The following BTN3A3 variants were observed in gnomAD, a reference collection of about 807,000 sequenced individuals.
The protein encoded by BTN3A3 is butyrophilin 3.
Under a neutral mutation model 43.2 loss-of-function variants are expected in BTN3A3, and 39 were observed. The ratio of observed to expected loss-of-function variants is 0.90; its 90% CI spans 0.70 to 1.18. The LOEUF is 1.18. Among genes scored for constraint, BTN3A3 ranks in the 50% most tolerant of loss-of-function variants. The pLI is 0.00. For missense variants in BTN3A3, 631 were observed against 722.8 expected (o/e 0.87, Z 1.46); for synonymous variants, 255 against 272.7 (o/e 0.93, Z 0.64).
At chr6:26,450,950 C>G (rs1316282201) in intron 10 of BTN3A3, among the ~76,000 whole-genome samples, 1 of 152,176 alleles carries the variant, frequency 6.6e-6, no homozygotes, top group South Asian at 2.1e-4. Flanking sequence ...TCCTTCCAAT[C>G]TTCTATCAGG....
At chr6:26,450,326 G>T in intron 10 of BTN3A3, 193 bp downstream of exon 10, 1 of 634,750 alleles carries the variant, frequency 1.6e-6, no homozygotes, top group Non-Finnish European at 2.7e-6. Context: ...AGGGAACCAG[G>T]GAGAATTGCT....
intron 4 of BTN3A3, 189 bp downstream of exon 4, chr6:26,444,493 A>T (rs1762722092): frequency 1.1e-6 from 1 of 945,908 alleles, no homozygotes; most frequent in Non-Finnish European, 1.6e-6. Flanking sequence ...TTCCTGCTGT[A>T]CCTTACATGC....
At chr6:26,447,036 GT>G (rs923425440) in intron 5 of BTN3A3, among the ~76,000 whole-genome samples, 5 of 152,134 alleles carry the variant, frequency 3.3e-5, no homozygotes, top group Non-Finnish European at 5.9e-5. Flanking sequence ...CCTATAAAAA[GT>G]TTCTTATAGC....
intron 4 of BTN3A3, 102 bp from the exon 5 acceptor site, chr6:26,445,602 A>T (rs1033348724): frequency 1.4e-6 from 2 of 1,403,420 alleles, no homozygotes; most frequent in Non-Finnish European, 1.9e-6. Context: ...CCTGAATGAA[A>T]TCTTCCTTGG....
At chr6:26,442,014 A>G (rs1427249189) in intron 1 of BTN3A3, among the ~76,000 whole-genome samples, 2 of 152,184 alleles carry the variant, frequency 1.3e-5, no homozygotes, top group Admixed American at 1.3e-4. Flanking sequence ...TTTGAGGAAC[A>G]GAAGATGTGA....
Position 26,443,389 on chromosome 6 carries a change from T to A in BTN3A3, c.-59T>A. 2.2e-6 allele frequency: 3 copies of A among 1,377,804 alleles called. No homozygotes were observed. The highest frequency in any genetic ancestry group is 2.9e-6 in the Non-Finnish European group (3 of 1,042,182). The allele number at this position is 1,377,804 out of a possible 1,614,324, so 85.3% of individuals were successfully genotyped here. On this transcript the variant is annotated 5_prime_UTR_variant, in exon 2 of 11. Transcript: ENST00000244519. The stretch of plus-strand genomic sequence containing the variant: ...CAGATATTATTTTTACAGATGGTTT[T>A]CCATACTGGAACCCAAAGGTAAAGA...
At chr6:26,442,399 G>A (rs114833507) in intron 1 of BTN3A3, among the ~76,000 whole-genome samples, 2,994 of 152,284 alleles carry the variant, frequency 0.02, 89 homozygotes, top group African/African-American at 0.066. Flanking sequence ...CTTAACTTCC[G>A]ATCTTCAGTT....
intron 4 of BTN3A3, chr6:26,445,410 G>T (rs1161261309): frequency 5.5e-6 from 2 of 364,758 alleles, no homozygotes; most frequent in Non-Finnish European, 1.0e-5. Flanking sequence ...CTTGCTGAAG[G>T]TCACAAGTCA....
rs563286298 is a variant in BTN3A3 at position 26,448,633 on chromosome 6, A to G, written c.933A>G (p.Glu311=). Residue 311 remains glutamate (E), a synonymous_variant, in exon 7 of 11, where the codon GAA becomes GAG. Transcript: ENST00000244519. ...ATTTTCCAGAGAAGCTCCAGGAGGA[A>G]CTCAGTAAGTTCCCATTCCCCAGGA... The part of the protein sequence containing the change: ...EISLREKLQE[E]LKWRKIQYMA... 30 of 1,613,690 alleles carry G rather than the reference A, an allele frequency of 1.9e-5. No homozygotes were observed. In the East Asian group the frequency reaches 4.9e-4, roughly 26 times the overall value.
chr6:26,443,002 T>G (rs1762681047), intron 1 of BTN3A3, among the ~76,000 whole-genome samples: 2 of 152,174 alleles, frequency 1.3e-5, no homozygotes, highest in African/African-American at 4.8e-5. Flanking sequence ...AAAAGATGAG[T>G]AAGGCCTGGT....
At position 26,453,162 on chromosome 6, in the gene BTN3A3, T is replaced by A. The variant is rs548162241; in HGVS notation, c.*751T>A. Reference sequence around the variant, plus strand: ...AATACCCTAGAGATTCTCTGTGATATAGGAAATTTGGATCAAGGAAGCTAA... The same window carrying A: ...AATACCCTAGAGATTCTCTGTGATAAAGGAAATTTGGATCAAGGAAGCTAA... On this transcript the variant is annotated 3_prime_UTR_variant, in exon 11 of 11. Transcript: ENST00000244519. 1 of 152,184 alleles carries A rather than the reference T, an allele frequency of 6.6e-6. No individual in the cohort carries two copies. The highest frequency in any genetic ancestry group is 1.5e-5 in the Non-Finnish European group (1 of 68,038). 9.4% of individuals were successfully genotyped at this position (152,184 alleles called of 1,614,324 possible). A position where few individuals can be genotyped will look rare whatever the true frequency, so the allele number is the denominator to read the frequency against.
chr6:26,443,213 G>T (rs1456538766), intron 1 of BTN3A3, among the ~76,000 whole-genome samples, 169 bp from the exon 2 acceptor site: 1 of 152,168 alleles, frequency 6.6e-6, no homozygotes, highest in Admixed American at 6.5e-5. Flanking sequence ...GAACAAGGGT[G>T]GGACCAGGGA....
chr6:26,448,402 G>T lies in BTN3A3; in HGVS notation c.870G>T (p.Met290Ile), dbSNP rs1367913501. 6.2e-7 allele frequency: 1 copy of T among 1,613,776 alleles called. No homozygotes were observed. The highest frequency in any genetic ancestry group is 8.5e-7 in the Non-Finnish European group (1 of 1,179,984). The stretch of plus-strand genomic sequence containing the variant: ...GGGAGACAGAAAGAGAGCGAGAGAT[G>T]AAAGAAATGGGATACGCTGCAACAG... The part of the protein sequence containing the change: ...LSRETERERE[M>I]KEMGYAATEQ... Residue 290 changes from methionine to isoleucine, a missense_variant, in exon 6 of 11, where the codon ATG (methionine) becomes ATT (isoleucine). By Grantham distance (10) the Met-to-Ile change is conservative (BLOSUM62 1). Around this residue, in one of 2 missense-constraint regions of BTN3A3, gnomAD observed 551 missense variants for 584.0 expected, o/e 0.94. Coordinates refer to ENST00000244519, the MANE Select transcript of BTN3A3 (RefSeq NM_006994.5).
intron 1 of BTN3A3, among the ~76,000 whole-genome samples, chr6:26,441,412 C>T (rs13220495): frequency 0.052 from 7,815 of 151,742 alleles, 274 homozygotes; most frequent in Non-Finnish European, 0.082. Context: ...CTAATTTTGG[C>T]TATTTCAATT....
intron 10 of BTN3A3, 152 bp from the exon 11 acceptor site, chr6:26,451,523 C>G (rs1762929042): frequency 7.0e-7 from 1 of 1,430,362 alleles, no homozygotes; most frequent in Non-Finnish European, 9.2e-7. Context: ...AGCTTTCTCC[C>G]ATGACATTGA....
chr6:26,448,449 G>A lies in BTN3A3; in HGVS notation c.916+1G>A, dbSNP rs1042562260. ...ACAGAGCAAGAAATAAGCCTAAGAGGTATCCAACGCAAGCAGAGAATCTAA... is the reference window on the plus strand; with the variant it reads ...ACAGAGCAAGAAATAAGCCTAAGAGATATCCAACGCAAGCAGAGAATCTAA... On this transcript the variant is annotated splice_donor_variant, in intron 6 of 10. Transcript: ENST00000244519. LOFTEE classifies it high-confidence loss of function. The A allele has an allele frequency of 4.3e-6, 7 of 1,612,244 alleles. No homozygotes were observed. The African/African-American group carries it at 9.4e-5, about 22-fold the overall frequency.
rs1762871057 is a variant in BTN3A3, at chr6:26,449,518, G to C, written c.965-144G>C. ...CTTGATATTAAGAAGAAGAGGTGAA[G>C]AGAGAATTGAGCTTGCAGAGTGAGA... On this transcript the variant is annotated intron_variant, in intron 8 of 10. Coordinates refer to ENST00000244519, the MANE Select transcript of BTN3A3 (RefSeq NM_006994.5). The C allele has an allele frequency of 8.6e-6, 7 of 816,362 alleles. No homozygotes were observed. In the Admixed American group the frequency reaches 1.4e-4, roughly 16 times the overall value. The allele number at this position is 816,362 out of a possible 1,614,324, so 50.6% of individuals were successfully genotyped here. A position where few individuals can be genotyped will look rare whatever the true frequency, so the allele number is the denominator to read the frequency against.
chr6:26,446,016 G>A (rs1762770380), intron 5 of BTN3A3, 31 bp downstream of exon 5: 1 of 1,610,940 alleles, frequency 6.2e-7, no homozygotes, highest in Non-Finnish European at 8.5e-7. Flanking sequence ...CAGCTTTACT[G>A]AGCTGAGCTG....
At position 26,444,152 on chromosome 6, in the gene BTN3A3, G is replaced by A. The variant is rs762971662; in HGVS notation, c.281G>A (p.Arg94Gln). 14 of 1,612,222 alleles carry A rather than the reference G, an allele frequency of 8.7e-6. No individual in the cohort carries two copies. The East Asian group carries it at 8.9e-5, about 10-fold the overall frequency. The change falls in exon 4 of 11, where the codon CGA (arginine) becomes CAA (glutamine). Residue 94 changes from arginine to glutamine, a missense_variant. Arg to Gln is a conservative substitution (Grantham distance 43, BLOSUM62 1). This residue lies in a region of BTN3A3 where 80 missense variants were observed against 138.7 expected (regional missense o/e 0.58). Transcript: ENST00000244519. ...EVEDRQSAPY[R>Q]GRTSILRDGI... ...GAAGACAGGCAGAGTGCACCGTATC[G>A]AGGGAGAACTTCGATTCTGCGGGAT...
Sources: gnomAD v4.1 joint callset for allele counts (sites outside exome capture counted in the v4.1 genomes callset) on GRCh38, gnomAD v4.1.1 for gene constraint, gnomAD v4.1.1 regional missense constraint, MANE v1.5 for transcripts, NCBI Gene and HGNC (gene_info 2026-07-23, HGNC 2026-07-21) for gene names.